The following DEPTOR variants were observed in gnomAD, a reference collection of about 807,000 sequenced individuals.
The protein encoded by DEPTOR is DEP domain-containing mTOR-interacting protein.
Under a neutral mutation model 41.6 loss-of-function variants are expected in DEPTOR, and 41 were observed. The ratio of observed to expected loss-of-function variants is 0.98; its 90% CI spans 0.77 to 1.28. DEPTOR has a LOEUF of 1.28. Ranked by LOEUF, DEPTOR falls within the 50% of genes most tolerant of loss-of-function variation. The pLI, the probability that DEPTOR is intolerant of heterozygous loss-of-function variation, is 0.00. For missense variants in DEPTOR, 514 were observed against 527.9 expected (o/e 0.97, Z 0.26); for synonymous variants, 195 against 192.3 (o/e 1.01, Z -0.12).
At chr8:120,017,056 C>A (rs1812623830) in intron 8 of DEPTOR, among the ~76,000 whole-genome samples, 1 of 152,134 alleles carries the variant, frequency 6.6e-6, no homozygotes, top group Non-Finnish European at 1.5e-5. Context: ...ATGTAGAGCC[C>A]TTGTCTGTCT....
intron 3 of DEPTOR, among the ~76,000 whole-genome samples, chr8:119,934,951 T>C (rs934922739): frequency 6.6e-6 from 1 of 152,162 alleles, no homozygotes; most frequent in African/African-American, 2.4e-5. Context: ...GCATCAGATA[T>C]GAGTGTATGC....
At chr8:119,971,359 A>G (rs1200008590) in intron 4 of DEPTOR, among the ~76,000 whole-genome samples, 1 of 152,158 alleles carries the variant, frequency 6.6e-6, no homozygotes, top group Non-Finnish European at 1.5e-5. Flanking sequence ...TAATATTCCA[A>G]TGGGGTACAG....
rs1001015479 is a variant in DEPTOR at position 119,911,632 on chromosome 8, A to T, written c.123-16768A>T. ...CGTGCCTGGCCCCTGCTGTGTACAC[A>T]TTCTGTGAAGAATAACATGTTCCTT... On this transcript the variant is annotated intron_variant, in intron 1 of 8. Coordinates refer to ENST00000286234, the MANE Select transcript of DEPTOR (RefSeq NM_022783.4). Among the ~76,000 whole-genome samples, 28 of 152,194 alleles carry T rather than the reference A, an allele frequency of 1.8e-4. 1 individual carries two copies. The highest frequency in any genetic ancestry group is 6.0e-4 in the African/African-American group (25 of 41,442).
In DEPTOR at chr8:119,997,352, A is replaced by G. The variant is rs572937457; in HGVS notation, c.605-4173A>G. Among the ~76,000 whole-genome samples, 9 of 152,296 alleles carry G rather than the reference A, an allele frequency of 5.9e-5. No homozygotes were observed. The South Asian group carries it at 1.9e-3, about 32-fold the overall frequency. The stretch of plus-strand genomic sequence containing the variant: ...TGGGATCAAGCGATCCTCCTGCCTC[A>G]GTCTCCTGAGTAGCTGGGACTATAG... On this transcript the variant is annotated intron_variant, in intron 4 of 8. Coordinates refer to ENST00000286234, the MANE Select transcript of DEPTOR (RefSeq NM_022783.4).
At chr8:119,966,555 G>A (rs984242437) in intron 4 of DEPTOR, among the ~76,000 whole-genome samples, 1 of 152,174 alleles carries the variant, frequency 6.6e-6, no homozygotes, top group African/African-American at 2.4e-5. Context: ...CACCATCTCA[G>A]CTCACTGCAA....
chr8:119,918,516 A>G (rs1827844940), intron 1 of DEPTOR, among the ~76,000 whole-genome samples: 1 of 152,094 alleles, frequency 6.6e-6, no homozygotes, highest in Non-Finnish European at 1.5e-5. Context: ...GCTGGAGTGC[A>G]ATGGCACAAT....
intron 8 of DEPTOR, among the ~76,000 whole-genome samples, chr8:120,042,489 G>A (rs529124548): frequency 1.6e-4 from 25 of 152,244 alleles, no homozygotes; most frequent in South Asian, 1.5e-3. Context: ...GACAGATGAC[G>A]TCTTTTCTAA....
chr8:119,961,242 C>A (rs932419039), intron 3 of DEPTOR, among the ~76,000 whole-genome samples: 3 of 151,732 alleles, frequency 2.0e-5, no homozygotes, highest in Admixed American at 1.3e-4. Context: ...CATGGAGAAA[C>A]CCCGTCTCTA....
chr8:119,973,472 G>GT (rs1828658734), intron 4 of DEPTOR, among the ~76,000 whole-genome samples: 5 of 152,300 alleles, frequency 3.3e-5, no homozygotes, highest in South Asian at 4.1e-4. Context: ...CTGGGCTCAA[G>GT]CGATCCTCCA....
At chr8:120,028,240 C>T (rs1049556731) in intron 8 of DEPTOR, among the ~76,000 whole-genome samples, 3 of 151,824 alleles carry the variant, frequency 2.0e-5, no homozygotes, top group Non-Finnish European at 2.9e-5. Flanking sequence ...ACTGCAACCT[C>T]CACCTCCCAG....
At chr8:119,908,369 G>A (rs1370451491) in intron 1 of DEPTOR, among the ~76,000 whole-genome samples, 1 of 152,140 alleles carries the variant, frequency 6.6e-6, no homozygotes, top group African/African-American at 2.4e-5. Flanking sequence ...CAGAAGCATG[G>A]CTTGAGGCCA....
intron 1 of DEPTOR, among the ~76,000 whole-genome samples, chr8:119,907,662 G>A (rs145353481): frequency 2.4e-3 from 363 of 152,184 alleles, no homozygotes; most frequent in African/African-American, 8.4e-3. Flanking sequence ...GCGTGGTGGC[G>A]CATGCCTGTA....
intron 1 of DEPTOR, among the ~76,000 whole-genome samples, chr8:119,886,911 ATT>A (rs1172850319): frequency 6.6e-6 from 1 of 152,034 alleles, no homozygotes. Flanking sequence ...AGTGCCTGCT[ATT>A]TGTCGGGCAT....
chr8:120,034,278 CACACACACA>C (rs1385892807), intron 8 of DEPTOR, among the ~76,000 whole-genome samples: 4 of 151,390 alleles, frequency 2.6e-5, no homozygotes, highest in Non-Finnish European at 4.4e-5. Context: ...CACACACACA[CACACACACA>C]CACACACACA....
At chr8:119,952,338 C>T (rs1041830524) in intron 3 of DEPTOR, among the ~76,000 whole-genome samples, 3 of 152,162 alleles carry the variant, frequency 2.0e-5, no homozygotes, top group Non-Finnish European at 2.9e-5. Context: ...CTGCTCTTTC[C>T]GTCATGCTGG....
chr8:120,001,789 ATTCTG>A (rs1204480843), intron 5 of DEPTOR, 79 bp downstream of exon 5: 1 of 1,474,502 alleles, frequency 6.8e-7, no homozygotes, highest in Non-Finnish European at 9.1e-7. Flanking sequence ...CCTTTGTGAA[ATTCTG>A]TTCTCTATCA....
intron 4 of DEPTOR, among the ~76,000 whole-genome samples, chr8:119,974,335 C>G (rs1306836175): frequency 2.1e-5 from 3 of 142,142 alleles, no homozygotes; most frequent in Non-Finnish European, 4.6e-5. Flanking sequence ...TTTTTCTTTA[C>G]TTTTCATGAG....
At chr8:119,887,498 C>T (rs1827388180) in intron 1 of DEPTOR, among the ~76,000 whole-genome samples, 1 of 92,158 alleles carries the variant, frequency 1.1e-5, no homozygotes, top group Admixed American at 1.3e-4. Flanking sequence ...CCTTCCCTTC[C>T]CCTTCCCTTC....
chr8:120,049,707 T>C lies in DEPTOR; in HGVS notation c.*3T>C. On this transcript the variant is annotated 3_prime_UTR_variant, in exon 9 of 9. Transcript: ENST00000286234. The stretch of plus-strand genomic sequence containing the variant: ...TCATGGAGGAGTTAGAGTGCTGAGC[T>C]CCTGGGCCTCCCAGCCCTCCAGTGG... The C allele has an allele frequency of 6.2e-7, 1 of 1,613,608 alleles. No individual in the cohort carries two copies. The highest frequency in any genetic ancestry group is 8.5e-7 in the Non-Finnish European group (1 of 1,179,730).
Sources: allele counts gnomAD v4.1 joint callset (sites outside exome capture counted in the v4.1 genomes callset), GRCh38; gene constraint gnomAD v4.1.1; transcripts MANE v1.5; gene names NCBI Gene and HGNC (gene_info 2026-07-23, HGNC 2026-07-21).